DNAH7: variants seen among roughly 807,000 people sequenced by gnomAD.
DNAH7 encodes the protein dynein axonemal heavy chain 7.
In DNAH7, 397 loss-of-function variants were observed where a neutral mutation model predicts 444.6. The ratio of observed to expected loss-of-function variants is 0.89; its 90% CI spans 0.82 to 0.97. DNAH7 has a LOEUF of 0.97. DNAH7 is among the 50% of genes least tolerant of loss of function. The pLI, the probability that DNAH7 is intolerant of heterozygous loss-of-function variation, is 0.00. For missense variants in DNAH7, 4,902 were observed against 4,800.8 expected (o/e 1.02, Z -0.62); for synonymous variants, 1,636 against 1,624.4 (o/e 1.01, Z -0.17).
intron 27 of DNAH7, chr2:195,903,569 A>G (rs1043912239): frequency 2.0e-5 from 3 of 152,182 alleles, no homozygotes; most frequent in Admixed American, 6.6e-5. Context: ...GCTTCTCTAA[A>G]GTGAAGATGT....
At chr2:195,740,601 GTGTGTGTGTGTGTGTATA>G (rs1469596142) in intron 64 of DNAH7, among the ~76,000 whole-genome samples, 147 bp downstream of exon 64, 589 of 46,708 alleles carry the variant, frequency 0.013, 7 homozygotes, top group African/African-American at 0.048. Flanking sequence ...GTGTGTGTGT[GTGTGTGTGTGTGTGTATA>G]TATATATATA....
chr2:195,889,883 A>G, intron 31 of DNAH7, among the ~76,000 whole-genome samples: 1 of 152,176 alleles, frequency 6.6e-6, no homozygotes, highest in East Asian at 1.9e-4. Context: ...CCAATATAAC[A>G]TTCACAGTCC....
chr2:195,921,324 T>G (rs1450426968), intron 24 of DNAH7, among the ~76,000 whole-genome samples: 1 of 147,312 alleles, frequency 6.8e-6, no homozygotes, highest in Non-Finnish European at 1.5e-5. Context: ...TGCCCATCAG[T>G]CAATGAGTGG....
At chr2:196,063,745 G>C (rs1698261698) in intron 1 of DNAH7, 1 of 152,260 alleles carries the variant, frequency 6.6e-6, no homozygotes, top group South Asian at 2.1e-4. Flanking sequence ...CAGCAAGATA[G>C]CTGAGGATGG....
intron 1 of DNAH7, chr2:196,068,377 C>T: frequency 2.5e-6 from 1 of 403,558 alleles, no homozygotes; most frequent in Non-Finnish European, 4.4e-6. Flanking sequence ...CGCTGCAACT[C>T]CTCGCAGAGC....
chr2:196,047,535 A>T, intron 4 of DNAH7, 36 bp from the exon 5 acceptor site: 1 of 1,495,820 alleles, frequency 6.7e-7, no homozygotes, highest in Non-Finnish European at 9.0e-7. Flanking sequence ...ACAATTATTC[A>T]TCTAAAAGGT....
At chr2:195,930,198 C>T (rs962135264) in intron 21 of DNAH7, among the ~76,000 whole-genome samples, 1 of 152,136 alleles carries the variant, frequency 6.6e-6, no homozygotes, top group Non-Finnish European at 1.5e-5. Flanking sequence ...CAAAAATTAG[C>T]TGGGTGTGGT....
intron 58 of DNAH7, among the ~76,000 whole-genome samples, chr2:195,783,050 C>G (rs1393108953): frequency 1.3e-5 from 2 of 152,186 alleles, no homozygotes; most frequent in African/African-American, 4.8e-5. Context: ...CCCATCTGCT[C>G]TATACCTATT....
intron 51 of DNAH7, among the ~76,000 whole-genome samples, chr2:195,812,632 G>C (rs537836777): frequency 2.0e-4 from 30 of 151,862 alleles, no homozygotes; most frequent in African/African-American, 7.0e-4. Flanking sequence ...ATACATTCTT[G>C]GTACCATATA....
chr2:195,978,203 A>G lies in DNAH7; in HGVS notation c.1834-5737T>C, dbSNP rs1195796968. 6.6e-5 allele frequency among the ~76,000 whole-genome samples: 10 copies of G among 152,290 alleles called. No individual in the cohort carries two copies. The East Asian group carries it at 1.3e-3, about 21-fold the overall frequency. ...ATAACTACAACTTTTCCAGACAGAT[A>G]GTACAGTAAGATATAAGCAGAAACA... On this transcript the variant is annotated intron_variant, in intron 15 of 64. Coordinates refer to ENST00000312428, the MANE Select transcript of DNAH7 (RefSeq NM_018897.3).
intron 9 of DNAH7, among the ~76,000 whole-genome samples, chr2:196,013,280 A>G (rs1451489049): frequency 2.0e-5 from 3 of 152,172 alleles, no homozygotes; most frequent in Non-Finnish European, 4.4e-5. Flanking sequence ...CTCTCTGAAA[A>G]GAAAGTGGCC....
rs1693979269 is a variant in DNAH7, at chr2:195,754,592, G to A, written c.11587-78C>T. The A allele has an allele frequency of 2.8e-6, 4 of 1,442,742 alleles. No individual in the cohort carries two copies. In the Admixed American group the frequency reaches 8.9e-5, roughly 32 times the overall value. 89.4% of individuals were successfully genotyped at this position (1,442,742 alleles called of 1,614,324 possible). A position where few individuals can be genotyped will look rare whatever the true frequency, so the allele number is the denominator to read the frequency against. On this transcript the variant is annotated intron_variant, in intron 62 of 64. Coordinates refer to ENST00000312428, the MANE Select transcript of DNAH7 (RefSeq NM_018897.3). ...CTTTTTTTTTGAGACAGGATCTCTGGTTGCCCAGGCAGGGCTCAGGTGATC... is the reference window on the plus strand; with the variant it reads ...CTTTTTTTTTGAGACAGGATCTCTGATTGCCCAGGCAGGGCTCAGGTGATC...
In DNAH7 at chr2:195,888,425, A is replaced by C. The variant is rs756042646; in HGVS notation, c.5239T>G (p.Cys1747Gly). ...TGAGGCTCCATGTAAATCATGCCACATCTGGAAACCTGGAAAGCCATAATT... is the reference window on the plus strand; with the variant it reads ...TGAGGCTCCATGTAAATCATGCCACCTCTGGAAACCTGGAAAGCCATAATT... ...EVASPATVSR[C>G]GMIYMEPHML... The change falls in exon 33 of 65, where the codon TGT (cysteine) becomes GGT (glycine). Residue 1747 changes from cysteine (C) to glycine (G), a missense_variant. Transcript: ENST00000312428. 2 of 1,587,630 alleles carry C rather than the reference A, an allele frequency of 1.3e-6. No homozygotes were observed. Among genetic ancestry groups the C allele is most frequent in the Admixed American group, 1.9e-5 (1 of 51,576 alleles).
intron 37 of DNAH7, 99 bp from the exon 38 acceptor site, chr2:195,875,942 G>T: frequency 5.2e-6 from 6 of 1,152,718 alleles, no homozygotes; most frequent in Non-Finnish European, 7.2e-6. Flanking sequence ...CTATCTATTT[G>T]CAGAGTACAT....
intron 63 of DNAH7, among the ~76,000 whole-genome samples, chr2:195,746,367 A>G (rs560403096): frequency 6.6e-6 from 1 of 152,300 alleles, no homozygotes; most frequent in African/African-American, 2.4e-5. Context: ...AGTGACCTAC[A>G]AAGAGACTTA....
At chr2:196,053,370 T>C (rs1000145112) in intron 2 of DNAH7, among the ~76,000 whole-genome samples, 4 of 152,254 alleles carry the variant, frequency 2.6e-5, no homozygotes, top group Admixed American at 6.5e-5. Flanking sequence ...AGTCTCAGTT[T>C]ACACCTTTAG....
At chr2:196,052,633 T>C (rs181899042) in intron 2 of DNAH7, among the ~76,000 whole-genome samples, 2 of 152,214 alleles carry the variant, frequency 1.3e-5, no homozygotes, top group Non-Finnish European at 2.9e-5. Context: ...TAAGAAATCA[T>C]GTAGTCTCTG....
chr2:195,738,763 T>C (rs1692808333), intron 64 of DNAH7, among the ~76,000 whole-genome samples: 3 of 152,220 alleles, frequency 2.0e-5, no homozygotes, highest in Admixed American at 2.0e-4. Context: ...ACTATGTTCA[T>C]AAAGATATTT....
At chr2:196,031,536 G>A (rs562273755) in intron 5 of DNAH7, among the ~76,000 whole-genome samples, 1 of 152,070 alleles carries the variant, frequency 6.6e-6, no homozygotes, top group Non-Finnish European at 1.5e-5. Context: ...AAATTTTTAT[G>A]CACTGCATCT....
Sources: allele counts gnomAD v4.1 joint callset (sites outside exome capture counted in the v4.1 genomes callset), GRCh38; gene constraint gnomAD v4.1.1; transcripts MANE v1.5; gene names NCBI Gene and HGNC (gene_info 2026-07-23, HGNC 2026-07-21).